The following MROH9 variants were observed in gnomAD, a reference collection of about 807,000 sequenced individuals.
MROH9 encodes the protein maestro heat like repeat family member 9.
MROH9 carries 92 observed loss-of-function variants against 98.2 expected under a neutral mutation model. The observed-to-expected ratio is 0.94, with a 90% CI of 0.79 to 1.11. MROH9 has a LOEUF of 1.11. MROH9 is among the 50% of genes most tolerant of loss of function. The pLI, the probability that MROH9 is intolerant of heterozygous loss-of-function variation, is 0.00. For synonymous variants in MROH9, 397 were observed against 368.9 expected (o/e 1.08, Z -0.87); for missense variants, 1,057 against 1,014.8 (o/e 1.04, Z -0.57).
intron 20 of MROH9, among the ~76,000 whole-genome samples, chr1:171,056,356 A>C (rs1653836505): frequency 6.6e-6 from 1 of 152,192 alleles, no homozygotes. Context: ...ACAGCCCAAC[A>C]TACCAGCTGT....
chr1:171,023,072 A>G (rs1183383275), intron 17 of MROH9, among the ~76,000 whole-genome samples: 1 of 152,146 alleles, frequency 6.6e-6, no homozygotes, highest in Non-Finnish European at 1.5e-5. Context: ...TAATCCCAAC[A>G]CTTTCCAAGA....
intron 15 of MROH9, among the ~76,000 whole-genome samples, chr1:171,000,456 T>C (rs1651748521): frequency 6.6e-6 from 1 of 152,152 alleles, no homozygotes; most frequent in African/African-American, 2.4e-5. Context: ...AAAGGGATGC[T>C]GGACTTTGTC....
At chr1:171,025,548 G>A (rs1015452866) in intron 20 of MROH9, 128 bp downstream of exon 20, 2 of 624,382 alleles carry the variant, frequency 3.2e-6, no homozygotes, top group African/African-American at 3.7e-5. Flanking sequence ...TGATGGTGAT[G>A]AATACAGGTT....
intron 20 of MROH9, among the ~76,000 whole-genome samples, chr1:171,036,548 G>C (rs1653104036): frequency 6.6e-6 from 1 of 151,876 alleles, no homozygotes; most frequent in South Asian, 2.1e-4. Context: ...TTTTAACTAT[G>C]TACCTTAGAC....
chr1:171,039,199 C>T (rs1018058362), intron 20 of MROH9, among the ~76,000 whole-genome samples: 7 of 152,142 alleles, frequency 4.6e-5, no homozygotes, highest in South Asian at 2.1e-4. Context: ...AAACAGTTTC[C>T]GTAGAGCCAT....
chr1:171,006,621 T>G, intron 15 of MROH9, among the ~76,000 whole-genome samples: 1 of 152,084 alleles, frequency 6.6e-6, no homozygotes, highest in East Asian at 1.9e-4. Context: ...ATATATTTAA[T>G]AGTGTCCCTT....
intron 8 of MROH9, among the ~76,000 whole-genome samples, chr1:170,979,704 G>T (rs1342963884): frequency 6.6e-6 from 1 of 152,088 alleles, no homozygotes; most frequent in Non-Finnish European, 1.5e-5. Context: ...GCCACAGACT[G>T]GGAGAAAATA....
At chr1:170,964,807 GA>G (rs1219978917) in intron 6 of MROH9, among the ~76,000 whole-genome samples, 11 of 151,998 alleles carry the variant, frequency 7.2e-5, no homozygotes, top group Non-Finnish European at 1.2e-4. Flanking sequence ...ATAAAAGGGA[GA>G]ATACATACTT....
intron 17 of MROH9, among the ~76,000 whole-genome samples, chr1:171,023,487 A>G (rs1194870286): frequency 6.6e-6 from 1 of 152,146 alleles, no homozygotes; most frequent in African/African-American, 2.4e-5. Context: ...TTCAGTTTAT[A>G]CTTTTAGGAT....
intron 20 of MROH9, among the ~76,000 whole-genome samples, chr1:171,052,964 C>T (rs1038396994): frequency 3.3e-5 from 5 of 152,116 alleles, no homozygotes; most frequent in Non-Finnish European, 7.4e-5. Flanking sequence ...TCTCCCACTC[C>T]TTGGAACTAG....
At chr1:170,966,882 G>A (rs1166508526) in intron 7 of MROH9, among the ~76,000 whole-genome samples, 1 of 152,062 alleles carries the variant, frequency 6.6e-6, no homozygotes, top group Non-Finnish European at 1.5e-5. Flanking sequence ...ACTCAAAACT[G>A]TTTTCTGCAC....
At chr1:171,052,939 A>G (rs748709761) in intron 20 of MROH9, among the ~76,000 whole-genome samples, 8 of 152,158 alleles carry the variant, frequency 5.3e-5, no homozygotes, top group Non-Finnish European at 8.8e-5. Context: ...TCAGGTGAGC[A>G]GGAATGGGAT....
At chr1:171,046,275 G>C (rs111423428) in intron 20 of MROH9, among the ~76,000 whole-genome samples, 1,868 of 152,138 alleles carry the variant, frequency 0.012, 34 homozygotes, top group African/African-American at 0.042. Flanking sequence ...TTTGATTGGG[G>C]AATTTAATCC....
At chr1:171,000,716 T>C (rs28849767) in intron 15 of MROH9, among the ~76,000 whole-genome samples, 44,023 of 151,906 alleles carry the variant, frequency 0.29, 8,953 homozygotes, top group African/African-American at 0.58. Flanking sequence ...TGGTTGTATC[T>C]TTACCTGGTT....
chr1:171,015,182 A>G (rs1238903466), intron 16 of MROH9: 1 of 398,068 alleles, frequency 2.5e-6, no homozygotes, highest in Non-Finnish European at 5.1e-6. Context: ...ATCAGTGGAC[A>G]CCCGTTGTGC....
intron 17 of MROH9, among the ~76,000 whole-genome samples, chr1:171,023,068 C>G (rs1299160970): frequency 2.6e-5 from 4 of 152,002 alleles, no homozygotes; most frequent in Admixed American, 6.6e-5. Flanking sequence ...CCTGTAATCC[C>G]AACACTTTCC....
rs769709356 is a variant in MROH9 at position 170,986,729 on chromosome 1, A to T, written c.879+19A>T. 7.4e-6 allele frequency: 12 copies of T among 1,611,026 alleles called. No individual in the cohort carries two copies. The highest frequency in any genetic ancestry group is 1.0e-5 in the Non-Finnish European group (12 of 1,178,404). ...CACCATGGTAAGATACTTGACAATA[A>T]GCAGGAGAGCACAGGGTTTACTCTC... On this transcript the variant is annotated intron_variant, in intron 10 of 21. Coordinates refer to ENST00000367759, the MANE Select transcript of MROH9 (RefSeq NM_001163629.2).
intron 15 of MROH9, among the ~76,000 whole-genome samples, chr1:171,009,998 T>C (rs1652095991): frequency 6.6e-6 from 1 of 152,220 alleles, no homozygotes; most frequent in Non-Finnish European, 1.5e-5. Context: ...GTGCAGAATG[T>C]GCAGTTTTGT....
intron 14 of MROH9, among the ~76,000 whole-genome samples, chr1:170,997,672 C>T (rs9427214): frequency 6.6e-6 from 1 of 152,068 alleles, no homozygotes; most frequent in Non-Finnish European, 1.5e-5. Context: ...CTGTCCACCA[C>T]CCAAGTGTGT....
Sources: gnomAD v4.1 joint callset for allele counts (sites outside exome capture counted in the v4.1 genomes callset) on GRCh38, gnomAD v4.1.1 for gene constraint, MANE v1.5 for transcripts, NCBI Gene and HGNC (gene_info 2026-07-23, HGNC 2026-07-21) for gene names.